SLC30A5: variants seen among roughly 807,000 people sequenced by gnomAD.
SLC30A5 encodes solute carrier family 30 member 5.
SLC30A5 carries 33 observed loss-of-function variants against 79.6 expected under a neutral mutation model. The observed-to-expected ratio is 0.41, with a 90% CI of 0.31 to 0.55. The LOEUF is 0.55. Among genes scored for constraint, SLC30A5 ranks in the 20% least tolerant of loss-of-function variants. The probability of loss-of-function intolerance (pLI) is 0.20; values close to 1 mark genes in which losing one functional copy is unlikely to be tolerated. For synonymous variants in SLC30A5, 299 were observed against 319.7 expected (o/e 0.94, Z 0.69); for missense variants, 788 against 928.1 (o/e 0.85, Z 1.96).
chr5:69,125,563 C>T (rs1746657134), intron 14 of SLC30A5, among the ~76,000 whole-genome samples: 1 of 149,168 alleles, frequency 6.7e-6, no homozygotes, highest in Non-Finnish European at 1.5e-5. Flanking sequence ...AGGCCTGGCA[C>T]GGTGGCTCAG....
chr5:69,114,440 G>A lies in SLC30A5; in HGVS notation c.556G>A (p.Ala186Thr). The change falls in exon 7 of 16, where the codon GCT becomes ACT. Residue 186 changes from alanine (A) to threonine (T), a missense_variant. Ala to Thr is a moderately conservative substitution (Grantham distance 58, BLOSUM62 0). Coordinates refer to ENST00000396591, the MANE Select transcript of SLC30A5 (RefSeq NM_022902.5). Reference protein sequence around the residue: ...AEHPEGHHDSALTHMLYTAIA... With the variant: ...AEHPEGHHDSTLTHMLYTAIA... ...CTTAGCTGAAGGACATCATGACAGT[G>A]CTCTAACTCATATGCTTTACACAGC... 6.2e-7 allele frequency: 1 copy of A among 1,610,102 alleles called. No homozygotes were observed. The highest frequency in any genetic ancestry group is 1.3e-5 in the African/African-American group (1 of 74,928).
At chr5:69,129,411 T>TA in intron 15 of SLC30A5, 36 bp from the exon 16 acceptor site, 1 of 1,540,682 alleles carries the variant, frequency 6.5e-7, no homozygotes. Context: ...AATGCATTAC[T>TA]CTAAATGCTT....
rs942996640 is a variant in SLC30A5, at chr5:69,094,255, G to C, written c.-1G>C. 2.4e-6 allele frequency: 3 copies of C among 1,244,168 alleles called. No individual in the cohort carries two copies. The allele number at this position is 1,244,168 out of a possible 1,614,324, so 77.1% of individuals were successfully genotyped here. A position where few individuals can be genotyped will look rare whatever the true frequency, so the allele number is the denominator to read the frequency against. On this transcript the variant is annotated 5_prime_UTR_variant, in exon 1 of 16. Coordinates refer to ENST00000396591, the MANE Select transcript of SLC30A5 (RefSeq NM_022902.5). Reference sequence around the variant, plus strand: ...AGCGGCGGCGGCTCGTGAGCCCCGGGATGGAGGAGAAATACGGCGGGGACG... The same window carrying C: ...AGCGGCGGCGGCTCGTGAGCCCCGGCATGGAGGAGAAATACGGCGGGGACG...
intron 1 of SLC30A5, among the ~76,000 whole-genome samples, chr5:69,096,220 C>T (rs920777243): frequency 6.6e-6 from 1 of 152,160 alleles, no homozygotes; most frequent in Non-Finnish European, 1.5e-5. Context: ...AAAAAAATAC[C>T]TCTGTGTGTG....
intron 2 of SLC30A5, among the ~76,000 whole-genome samples, chr5:69,102,050 C>CT (rs758327246): frequency 0.05 from 4,954 of 99,222 alleles, 446 homozygotes; most frequent in Non-Finnish European, 0.068. Flanking sequence ...CAGTGACGTG[C>CT]TTTTTTTTTT....
At chr5:69,129,135 G>A (rs563564612) in intron 15 of SLC30A5, among the ~76,000 whole-genome samples, 38 of 152,140 alleles carry the variant, frequency 2.5e-4, no homozygotes, top group Non-Finnish European at 5.0e-4. Context: ...TGTGACACAG[G>A]TTTAATATTC....
At chr5:69,098,461 T>C (rs1224480821) in intron 1 of SLC30A5, among the ~76,000 whole-genome samples, 1 of 151,832 alleles carries the variant, frequency 6.6e-6, no homozygotes, top group East Asian at 1.9e-4. Flanking sequence ...GGGGGTTCAA[T>C]CAAAGAAAAT....
At position 69,116,557 on chromosome 5, in the gene SLC30A5, GGA is replaced by G; in HGVS notation, c.1240_1241del (p.Ser414Ter). ...AGGAATCACTAAAACAAATTCTTGAGGAGAGTGACTCTAGGCAGATCTTTTAC... is the reference window on the plus strand; with the variant it reads ...AGGAATCACTAAAACAAATTCTTGAGGAGTGACTCTAGGCAGATCTTTTAC... ...IKESLKQILE[E>X]SDSRQIFYFL... is the part of the protein sequence containing the mutation. On this transcript the variant is annotated frameshift_variant, in exon 10 of 16. Transcript: ENST00000396591. LOFTEE classifies it high-confidence loss of function. This position sits in a 1 kb window ranked among gnomAD's most constrained non-coding sequence, Gnocchi z 4.0. 1 of 1,609,378 alleles carries G rather than the reference GGA, an allele frequency of 6.2e-7. No homozygotes were observed. The highest frequency in any genetic ancestry group is 8.5e-7 in the Non-Finnish European group (1 of 1,178,664).
At chr5:69,098,288 C>T (rs1298500038) in intron 1 of SLC30A5, among the ~76,000 whole-genome samples, 1 of 152,044 alleles carries the variant, frequency 6.6e-6, no homozygotes, top group Non-Finnish European at 1.5e-5. Context: ...GTTTGGGAGG[C>T]CAAGGTGGGT....
At position 69,117,400 on chromosome 5, in the gene SLC30A5, GGTACATTGACT is replaced by G. The variant is rs1230942812; in HGVS notation, c.1439+7_1439+17del. On this transcript the variant is annotated splice_donor_5th_base_variant and intron_variant, in intron 11 of 15. Transcript: ENST00000396591. ...CCACTCGGATTTTCTCCTATGGGTA[GGTACATTGACT>G]GTCGAGGTGGTATATCTTAAGTGCA... 1 of 1,613,324 alleles carries G rather than the reference GGTACATTGACT, an allele frequency of 6.2e-7. No individual in the cohort carries two copies. Among genetic ancestry groups the G allele is most frequent in the Non-Finnish European group, 8.5e-7 (1 of 1,179,718 alleles).
rs546957490 is a variant in SLC30A5 at position 69,118,003 on chromosome 5, G to A, written c.1440-496G>A. On this transcript the variant is annotated intron_variant, in intron 11 of 15. Coordinates refer to ENST00000396591, the MANE Select transcript of SLC30A5 (RefSeq NM_022902.5). ...ATCCTGGCTAACACGGTGAAACCCCGTCTCTACTAAAAATACAAAAAAAAT... is the reference window on the plus strand; with the variant it reads ...ATCCTGGCTAACACGGTGAAACCCCATCTCTACTAAAAATACAAAAAAAAT... 1.5e-3 allele frequency among the ~76,000 whole-genome samples: 227 copies of A among 150,272 alleles called. 2 individuals carry two copies. The highest frequency in any genetic ancestry group is 5.3e-3 in the African/African-American group (218 of 40,976).
At chr5:69,095,978 A>G (rs140453578) in intron 1 of SLC30A5, among the ~76,000 whole-genome samples, 1,971 of 152,010 alleles carry the variant, frequency 0.013, 61 homozygotes, top group African/African-American at 0.046. Context: ...TTGAGGCAGG[A>G]GAATGGCTTG....
intron 1 of SLC30A5, among the ~76,000 whole-genome samples, chr5:69,095,104 T>A (rs1297411265): frequency 2.0e-5 from 3 of 152,032 alleles, no homozygotes; most frequent in Non-Finnish European, 4.4e-5. Context: ...AACGAGTTCT[T>A]CCCATTCTGG....
intron 13 of SLC30A5, among the ~76,000 whole-genome samples, chr5:69,122,253 C>G (rs545700908): frequency 6.6e-6 from 1 of 151,992 alleles, no homozygotes; most frequent in Non-Finnish European, 1.5e-5. Context: ...AAAAATTAGC[C>G]GGACATGGTG....
intron 4 of SLC30A5, 55 bp from the exon 5 acceptor site, chr5:69,108,294 G>A (rs1746140123): frequency 7.4e-7 from 1 of 1,354,596 alleles, no homozygotes; most frequent in Middle Eastern, 2.3e-4. Context: ...TTGAATTCAT[G>A]CGTCTTGATA....
intron 4 of SLC30A5, among the ~76,000 whole-genome samples, chr5:69,105,387 G>T (rs116573689): frequency 1.3e-5 from 2 of 152,132 alleles, no homozygotes; most frequent in East Asian, 3.9e-4. Context: ...ATGCCTTGCC[G>T]TGAGAATGAG....
At chr5:69,100,612 TAAA>T (rs33982147) in intron 1 of SLC30A5, among the ~76,000 whole-genome samples, 192 bp from the exon 2 acceptor site, 24,671 of 134,430 alleles carry the variant, frequency 0.18, 2,587 homozygotes, top group East Asian at 0.38. Flanking sequence ...CTCTATGAGT[TAAA>T]AAAAAAAAAA....
intron 1 of SLC30A5, among the ~76,000 whole-genome samples, chr5:69,096,351 A>G (rs1053603135): frequency 1.3e-5 from 2 of 152,258 alleles, no homozygotes; most frequent in South Asian, 2.1e-4. Context: ...TTAAATGAGT[A>G]GTTTAAAAGT....
rs537507377 is a variant in SLC30A5, at chr5:69,120,791, AG to A, written c.1570-902del. ...TTACTACTTTTGAAAAGTAATTAAA[AG>A]TATTTGTCCTTCTCATATTTATATT... On this transcript the variant is annotated intron_variant, in intron 12 of 15. Transcript: ENST00000396591. Among the ~76,000 whole-genome samples the A allele has an allele frequency of 3.0e-3, 452 of 152,364 alleles. 4 individuals carry two copies. Among genetic ancestry groups the A allele is most frequent in the African/African-American group, 0.011 (437 of 41,592 alleles).
Sources: gnomAD v4.1 joint callset for allele counts (sites outside exome capture counted in the v4.1 genomes callset) on GRCh38, gnomAD v4.1.1 for gene constraint, Gnocchi (gnomAD v3.1) non-coding constraint, MANE v1.5 for transcripts, NCBI Gene and HGNC (gene_info 2026-07-23, HGNC 2026-07-21) for gene names.